The following TMEM108 variants were observed in gnomAD, a reference collection of about 807,000 sequenced individuals.
TMEM108 encodes the protein cancer/testis antigen 124.
Under a neutral mutation model 35.1 loss-of-function variants are expected in TMEM108, and 12 were observed. That is an observed-to-expected ratio of 0.34 (90% CI 0.22 to 0.55). The LOEUF is 0.55. TMEM108 is among the 20% of genes least tolerant of loss of function. The probability of loss-of-function intolerance (pLI) is 0.89; values close to 1 mark genes in which losing one functional copy is unlikely to be tolerated. For synonymous variants in TMEM108, 287 were observed against 308.6 expected (o/e 0.93, Z 0.73); for missense variants, 680 against 753.3 (o/e 0.90, Z 1.14).
intron 3 of TMEM108, among the ~76,000 whole-genome samples, chr3:133,328,638 G>C (rs931845991): frequency 6.6e-6 from 1 of 152,186 alleles, no homozygotes; most frequent in African/African-American, 2.4e-5. Context: ...TTTCCAGGCA[G>C]ATAGCAGAGG....
chr3:133,204,791 GA>G (rs1241678158), intron 2 of TMEM108, among the ~76,000 whole-genome samples: 1 of 152,162 alleles, frequency 6.6e-6, no homozygotes, highest in African/African-American at 2.4e-5. Context: ...ATTTGGGGTG[GA>G]GAGTTCTGTA....
At chr3:133,094,776 G>C (rs1484429037) in intron 2 of TMEM108, among the ~76,000 whole-genome samples, 2 of 152,126 alleles carry the variant, frequency 1.3e-5, no homozygotes, top group African/African-American at 2.4e-5. Flanking sequence ...CCCTCATCTA[G>C]CCTTAATCTC....
At chr3:133,041,109 A>G (rs1943270592) in intron 1 of TMEM108, among the ~76,000 whole-genome samples, 1 of 152,226 alleles carries the variant, frequency 6.6e-6, no homozygotes, top group Non-Finnish European at 1.5e-5. Flanking sequence ...GAGGAGAGCC[A>G]GGAAATGTTT....
intron 2 of TMEM108, among the ~76,000 whole-genome samples, chr3:133,137,260 C>A (rs1027141113): frequency 6.6e-6 from 1 of 152,134 alleles, no homozygotes. Context: ...AGACGCCATC[C>A]GAAGTCACTG....
intron 3 of TMEM108, among the ~76,000 whole-genome samples, chr3:133,291,774 T>C (rs1315477484): frequency 6.6e-6 from 1 of 152,136 alleles, no homozygotes; most frequent in Non-Finnish European, 1.5e-5. Flanking sequence ...GAAGGCAGGG[T>C]TCCTCAAGGT....
At chr3:133,374,531 T>C (rs1349410584) in intron 3 of TMEM108, among the ~76,000 whole-genome samples, 1 of 141,822 alleles carries the variant, frequency 7.1e-6, no homozygotes, top group African/African-American at 2.7e-5. Context: ...TGTGTGTATA[T>C]ATAATTTTTG....
intron 3 of TMEM108, among the ~76,000 whole-genome samples, chr3:133,295,062 C>G (rs1034844160): frequency 1.3e-5 from 2 of 152,098 alleles, no homozygotes; most frequent in Non-Finnish European, 2.9e-5. Flanking sequence ...TTTGTAACAA[C>G]AAATTATGGT....
chr3:133,180,043 A>G (rs958995737), intron 2 of TMEM108, among the ~76,000 whole-genome samples: 18 of 152,210 alleles, frequency 1.2e-4, no homozygotes, highest in Non-Finnish European at 2.5e-4. Context: ...ATTAATTTTC[A>G]TAAGACTCCC....
chr3:133,386,752 T>C (rs1317513855), intron 4 of TMEM108: 1 of 1,232,584 alleles, frequency 8.1e-7, no homozygotes, highest in African/African-American at 1.5e-5. Flanking sequence ...AAAACGCTTC[T>C]GCATATGTCA....
intron 3 of TMEM108, among the ~76,000 whole-genome samples, chr3:133,280,459 A>G (rs907374545): frequency 1.3e-5 from 2 of 152,158 alleles, no homozygotes; most frequent in South Asian, 2.1e-4. Flanking sequence ...AATGTTCATC[A>G]GTTTTTCCCA....
intron 3 of TMEM108, among the ~76,000 whole-genome samples, chr3:133,342,549 T>TAC (rs2071691274): frequency 1.2e-5 from 1 of 86,716 alleles, no homozygotes; most frequent in African/African-American, 3.8e-5. Flanking sequence ...ATGTGGTATA[T>TAC]ATATATACAC....
rs56983894 is a variant in TMEM108, at chr3:133,057,435, GTATATATATATATATATATATATATATA to G, written c.-47+11439_-47+11466del. On this transcript the variant is annotated intron_variant, in intron 2 of 5. Transcript: ENST00000321871. The stretch of plus-strand genomic sequence containing the variant: ...TGGGCTATTAGTTGTGTGTGTGTGT[GTATATATATATATATATATATATATATA>G]TATATATATATATATATATATATGT... 1.4e-3 allele frequency among the ~76,000 whole-genome samples: 66 copies of G among 45,762 alleles called. No homozygotes were observed. The East Asian group carries it at 0.037, about 26-fold the overall frequency. 30.0% of individuals were successfully genotyped at this position (45,762 alleles called of 152,430 possible). A position where few individuals can be genotyped will look rare whatever the true frequency, so the allele number is the denominator to read the frequency against.
chr3:133,108,254 A>C (rs1182089773), intron 2 of TMEM108, among the ~76,000 whole-genome samples: 1 of 151,782 alleles, frequency 6.6e-6, no homozygotes, highest in South Asian at 2.1e-4. Flanking sequence ...GTTCGTTCCT[A>C]TTTCTCCACA....
chr3:133,303,777 T>TC (rs1257938122), intron 3 of TMEM108, among the ~76,000 whole-genome samples: 1 of 152,184 alleles, frequency 6.6e-6, no homozygotes, highest in Admixed American at 6.5e-5. Context: ...ATCAAATAAG[T>TC]CCAATTTTAA....
chr3:133,304,464 A>G (rs1387518610), intron 3 of TMEM108, among the ~76,000 whole-genome samples: 2 of 152,122 alleles, frequency 1.3e-5, no homozygotes, highest in South Asian at 4.2e-4. Context: ...CATTTCTGTC[A>G]CCCCAAAAAG....
At chr3:133,359,967 G>A (rs1249605442) in intron 3 of TMEM108, among the ~76,000 whole-genome samples, 1 of 129,098 alleles carries the variant, frequency 7.7e-6, no homozygotes, top group Non-Finnish European at 1.6e-5. Context: ...ATGAATATAC[G>A]AATTGGTCAT....
At chr3:133,251,536 G>A (rs1262411478) in intron 3 of TMEM108, among the ~76,000 whole-genome samples, 1 of 152,140 alleles carries the variant, frequency 6.6e-6, no homozygotes, top group Non-Finnish European at 1.5e-5. Flanking sequence ...AACATTTCTG[G>A]TTGTCTGGGT....
rs149332424 is a variant in TMEM108, at chr3:133,300,598, G to C, written c.40+71247G>C. Among the ~76,000 whole-genome samples, 949 of 152,250 alleles carry C rather than the reference G, an allele frequency of 6.2e-3. 18 individuals are homozygous for C. Among genetic ancestry groups the C allele is most frequent in the African/African-American group, 0.021 (892 of 41,514 alleles). Reference sequence around the variant, plus strand: ...AAGCACCAGGTTTAATGAGGACGCAGAGAGCCTTTTTGTGGTTTTTATAAA... The same window carrying C: ...AAGCACCAGGTTTAATGAGGACGCACAGAGCCTTTTTGTGGTTTTTATAAA... On this transcript the variant is annotated intron_variant, in intron 3 of 5. Coordinates refer to ENST00000321871, the MANE Select transcript of TMEM108 (RefSeq NM_023943.4).
At chr3:133,114,357 C>G (rs1303874703) in intron 2 of TMEM108, among the ~76,000 whole-genome samples, 3 of 152,050 alleles carry the variant, frequency 2.0e-5, no homozygotes, top group Non-Finnish European at 2.9e-5. Flanking sequence ...ATATTTTATC[C>G]CACATCTCAT....
Sources: gnomAD v4.1 joint callset for allele counts (sites outside exome capture counted in the v4.1 genomes callset) on GRCh38, gnomAD v4.1.1 for gene constraint, MANE v1.5 for transcripts, NCBI Gene and HGNC (gene_info 2026-07-23, HGNC 2026-07-21) for gene names.